The following TBC1D5 variants were observed in gnomAD, a reference collection of about 807,000 sequenced individuals.
The protein encoded by TBC1D5 is TBC1 domain family, member 5.
A neutral mutation model predicts 100.3 loss-of-function variants in TBC1D5; 75 were observed. That is an observed-to-expected ratio of 0.75 (90% CI 0.62 to 0.91). The LOEUF is 0.91. TBC1D5 is among the 40% of genes least tolerant of loss of function. The pLI is 0.00. For missense variants in TBC1D5, 910 were observed against 942.4 expected, an observed-to-expected ratio of 0.97 and a Z score of 0.45; for synonymous variants, 323 against 325.6, an observed-to-expected ratio of 0.99 and a Z score of 0.09.
At chr3:17,659,459 T>C (rs1026642248) in intron 1 of TBC1D5, among the ~76,000 whole-genome samples, 1 of 152,080 alleles carries the variant, frequency 6.6e-6, no homozygotes, top group African/African-American at 2.4e-5. Context: ...TAGAATGCCT[T>C]GTTTTTTAAT....
At chr3:17,179,351 G>A (rs2068181545) in intron 19 of TBC1D5, among the ~76,000 whole-genome samples, 1 of 152,180 alleles carries the variant, frequency 6.6e-6, no homozygotes, top group South Asian at 2.1e-4. Flanking sequence ...TTCATTGAAA[G>A]TTGTTTTTAT....
intron 16 of TBC1D5, among the ~76,000 whole-genome samples, chr3:17,256,060 T>A (rs952612602): frequency 1.3e-5 from 2 of 152,018 alleles, no homozygotes; most frequent in Admixed American, 6.6e-5. Flanking sequence ...ACAAAAAAAA[T>A]TTGAAATAAG....
chr3:17,447,019 A>C (rs994606150), intron 3 of TBC1D5, among the ~76,000 whole-genome samples: 8 of 152,112 alleles, frequency 5.3e-5, no homozygotes, highest in African/African-American at 1.9e-4. Flanking sequence ...AGGAATACCA[A>C]GAGAAAATTG....
intron 3 of TBC1D5, among the ~76,000 whole-genome samples, chr3:17,437,719 A>G (rs969112466): frequency 6.6e-6 from 1 of 151,278 alleles, no homozygotes; most frequent in Non-Finnish European, 1.5e-5. Context: ...GGGGGAAGTG[A>G]AGGCAGAGAG....
intron 2 of TBC1D5, among the ~76,000 whole-genome samples, chr3:17,523,616 T>C (rs150613254): frequency 1.3e-5 from 2 of 152,254 alleles, no homozygotes; most frequent in Admixed American, 6.5e-5. Flanking sequence ...ATACCTACGT[T>C]TGCAACAGAG....
intron 17 of TBC1D5, among the ~76,000 whole-genome samples, chr3:17,237,092 ATCT>A (rs775308716): frequency 2.0e-4 from 30 of 152,204 alleles, no homozygotes; most frequent in Admixed American, 5.2e-4. Flanking sequence ...TACTTTTAAA[ATCT>A]TCTTACTGAC....
rs898201473 is a variant in TBC1D5, at chr3:17,521,856, AT to A, written c.-35-13252del. ...GGACCATAAATTTTTAAAACATTAA[AT>A]AATGCAAAATGTGAAAATATGTTGT... On this transcript the variant is annotated intron_variant, in intron 2 of 21. Transcript: ENST00000253692. Among the ~76,000 whole-genome samples, 24 of 152,160 alleles carry A rather than the reference AT, an allele frequency of 1.6e-4. 1 individual carries two copies. The highest frequency in any genetic ancestry group is 5.5e-4 in the African/African-American group (23 of 41,442).
intron 1 of TBC1D5, among the ~76,000 whole-genome samples, chr3:17,645,865 A>G (rs924524018): frequency 1.3e-5 from 2 of 151,990 alleles, no homozygotes; most frequent in African/African-American, 4.8e-5. Context: ...GCATTCTCTC[A>G]GGAAAACATG....
chr3:17,243,826 A>C (rs1023688025), intron 16 of TBC1D5, among the ~76,000 whole-genome samples: 3 of 152,176 alleles, frequency 2.0e-5, no homozygotes, highest in African/African-American at 7.2e-5. Flanking sequence ...GGACTGCATT[A>C]ATACTAGATG....
At chr3:17,168,511 C>T (rs1274820280) in intron 19 of TBC1D5, among the ~76,000 whole-genome samples, 1 of 152,132 alleles carries the variant, frequency 6.6e-6, no homozygotes, top group Non-Finnish European at 1.5e-5. Context: ...ATGTTAAACA[C>T]TCAGTGGTCC....
intron 2 of TBC1D5, among the ~76,000 whole-genome samples, chr3:17,512,776 C>T (rs796734059): frequency 2.6e-5 from 4 of 152,238 alleles, no homozygotes; most frequent in Admixed American, 1.3e-4. Context: ...TTTTACAATA[C>T]GGTTTTAGTG....
At chr3:17,679,312 G>C (rs11924560) in intron 1 of TBC1D5, among the ~76,000 whole-genome samples, 4,935 of 151,412 alleles carry the variant, frequency 0.033, 484 homozygotes, top group African/African-American at 0.11. Flanking sequence ...AAGTTACAGA[G>C]ATGTTTTATA....
intron 1 of TBC1D5, among the ~76,000 whole-genome samples, chr3:17,694,316 T>C (rs879256933): frequency 2.6e-5 from 4 of 152,274 alleles, no homozygotes; most frequent in Non-Finnish European, 5.9e-5. Context: ...AGGAGCATGT[T>C]TGAACACATC....
At chr3:17,531,515 C>G (rs1484461985) in intron 2 of TBC1D5, among the ~76,000 whole-genome samples, 1 of 152,150 alleles carries the variant, frequency 6.6e-6, no homozygotes, top group African/African-American at 2.4e-5. Flanking sequence ...AAAAAAGAGC[C>G]CGCATTGCCA....
At chr3:17,376,893 G>A (rs1262837258) in intron 9 of TBC1D5, among the ~76,000 whole-genome samples, 2 of 152,046 alleles carry the variant, frequency 1.3e-5, no homozygotes, top group Admixed American at 1.3e-4. Flanking sequence ...AGATAACCTT[G>A]CACCTGTCAG....
intron 14 of TBC1D5, among the ~76,000 whole-genome samples, chr3:17,301,618 A>G (rs2082849239): frequency 6.6e-6 from 1 of 152,250 alleles, no homozygotes; most frequent in African/African-American, 2.4e-5. Context: ...CAACACCCAC[A>G]ATAACTACGG....
chr3:17,716,627 A>G (rs987820613), intron 1 of TBC1D5, among the ~76,000 whole-genome samples: 3 of 152,202 alleles, frequency 2.0e-5, no homozygotes, highest in Admixed American at 6.5e-5. Flanking sequence ...CACCTTAAAC[A>G]TAAGGAATAA....
intron 2 of TBC1D5, among the ~76,000 whole-genome samples, chr3:17,548,292 C>T (rs1216289061): frequency 6.6e-6 from 1 of 152,070 alleles, no homozygotes; most frequent in Non-Finnish European, 1.5e-5. Context: ...TAAGGATGGG[C>T]AACAAAGCGA....
chr3:17,636,901 T>A (rs1211472148), intron 1 of TBC1D5, among the ~76,000 whole-genome samples: 1 of 152,138 alleles, frequency 6.6e-6, no homozygotes, highest in Non-Finnish European at 1.5e-5. Context: ...ATGTGATAAT[T>A]TAGCATTTGA....
Sources: allele counts gnomAD v4.1 joint callset (sites outside exome capture counted in the v4.1 genomes callset), GRCh38; gene constraint gnomAD v4.1.1; transcripts MANE v1.5; gene names NCBI Gene and HGNC (gene_info 2026-07-23, HGNC 2026-07-21).